PCNX2: variants seen among roughly 807,000 people sequenced by gnomAD.
PCNX2 encodes pecanex-like protein 2.
In PCNX2, 168 loss-of-function variants were observed where a neutral mutation model predicts 223.8. That is an observed-to-expected ratio of 0.75 (90% CI 0.66 to 0.85). PCNX2 has a LOEUF of 0.85. Ranked by LOEUF, PCNX2 falls within the 40% of genes least tolerant of loss-of-function variation. PCNX2 has a pLI of 0.00. For synonymous variants in PCNX2, 1,006 were observed against 1,052.6 expected (o/e 0.96, Z 0.86); for missense variants, 2,507 against 2,675.5 (o/e 0.94, Z 1.39).
At chr1:233,292,864 A>G (rs1420995148) in intron 1 of PCNX2, among the ~76,000 whole-genome samples, 1 of 152,236 alleles carries the variant, frequency 6.6e-6, no homozygotes, top group Non-Finnish European at 1.5e-5. Context: ...CTGTACCCAC[A>G]TACAATTATT....
chr1:233,253,863 G>A lies in PCNX2; in HGVS notation c.1835-1075C>T, dbSNP rs940966487. On this transcript the variant is annotated intron_variant, in intron 5 of 33. Transcript: ENST00000258229. This position sits in a 1 kb window ranked among gnomAD's most constrained non-coding sequence, Gnocchi z 4.2. ...AAAATGGACTGCATATGTCCCTGAG[G>A]ATCAGCCCTTCCTTTTCTGTGGACA... Among the ~76,000 whole-genome samples, 1 of 152,186 alleles carries A rather than the reference G, an allele frequency of 6.6e-6. No individual in the cohort carries two copies. Among genetic ancestry groups the A allele is most frequent in the African/African-American group, 2.4e-5 (1 of 41,448 alleles).
rs1440423379 is a variant in PCNX2, at chr1:232,984,462, A to G, written c.6256T>C (p.Cys2086Arg). The G allele has an allele frequency of 1.9e-6, 3 of 1,613,252 alleles. No individual in the cohort carries two copies. Among genetic ancestry groups the G allele is most frequent in the African/African-American group, 2.7e-5 (2 of 74,960 alleles). ...SQATRHLSEP[C>R]EPPDATEQGQ... Reference sequence around the variant, plus strand: ...TGCTCGGTGGCATCAGGGGGCTCACATGGCTCGGAGAGGTGCTTCCAAAGA... The same window carrying G: ...TGCTCGGTGGCATCAGGGGGCTCACGTGGCTCGGAGAGGTGCTTCCAAAGA... Residue 2086 changes from cysteine to arginine, a missense_variant, in exon 34 of 34, where the codon TGT (cysteine) becomes CGT (arginine). Cys to Arg is a radical substitution (Grantham distance 180, BLOSUM62 -3). This residue lies in a region of PCNX2 where 1,372 missense variants were observed against 1,509.4 expected (regional missense o/e 0.91). Transcript: ENST00000258229.
At position 233,025,325 on chromosome 1, in the gene PCNX2, T is replaced by C. The variant is rs566012905; in HGVS notation, c.4426A>G (p.Lys1476Glu). Reference sequence around the variant, plus strand: ...AGCAGGTGAGGCAAGTGGCCTGGTTTGCAGCAGCAGCAGCCTCTGTCCTCC... The same window carrying C: ...AGCAGGTGAGGCAAGTGGCCTGGTTCGCAGCAGCAGCAGCCTCTGTCCTCC... ...DEEDRGCCCC[K>E]PGHLPHLLSC... Residue 1476 changes from lysine to glutamate, a missense_variant, in exon 26 of 34, where the codon AAA becomes GAA. This residue lies in a region of PCNX2 where 1,372 missense variants were observed against 1,509.4 expected (regional missense o/e 0.91). Coordinates refer to ENST00000258229, the MANE Select transcript of PCNX2 (RefSeq NM_014801.4). The C allele has an allele frequency of 9.2e-5, 149 of 1,614,028 alleles. No homozygotes were observed. The highest frequency in any genetic ancestry group is 8.2e-4 in the Middle Eastern group (5 of 6,062).
chr1:233,216,750 G>A (rs1047862191), intron 12 of PCNX2, among the ~76,000 whole-genome samples: 7 of 151,924 alleles, frequency 4.6e-5, no homozygotes, highest in Non-Finnish European at 7.4e-5. Flanking sequence ...AAAGATATAC[G>A]CATCACCATG....
chr1:233,007,150 T>C (rs1335354555), intron 28 of PCNX2, among the ~76,000 whole-genome samples: 2 of 151,334 alleles, frequency 1.3e-5, no homozygotes, highest in African/African-American at 4.9e-5. Flanking sequence ...AGTTCAAGGA[T>C]GTAGTGCATT....
At chr1:233,267,678 C>T (rs1446158713) in intron 1 of PCNX2, among the ~76,000 whole-genome samples, 1 of 152,192 alleles carries the variant, frequency 6.6e-6, no homozygotes, top group Admixed American at 6.5e-5. Flanking sequence ...CTCATCCACA[C>T]TGTAGCCTGT....
intron 26 of PCNX2, among the ~76,000 whole-genome samples, chr1:233,024,615 T>C (rs1322782582): frequency 6.6e-6 from 1 of 152,192 alleles, no homozygotes; most frequent in African/African-American, 2.4e-5. Context: ...TGAATACAAT[T>C]GGGCAGATGT....
intron 1 of PCNX2, chr1:233,291,509 G>C (rs1661761774): frequency 4.1e-6 from 1 of 240,996 alleles, no homozygotes; most frequent in African/African-American, 2.3e-5. Flanking sequence ...TCGGGAGGCT[G>C]AGGCAGGAGA....
At chr1:233,132,329 G>A (rs760678140) in intron 21 of PCNX2, among the ~76,000 whole-genome samples, 12 of 152,086 alleles carry the variant, frequency 7.9e-5, no homozygotes, top group African/African-American at 2.4e-4. Context: ...TGTCTGCACC[G>A]ACTAGAAGGA....
intron 12 of PCNX2, among the ~76,000 whole-genome samples, chr1:233,215,815 CACA>C (rs1313940188): frequency 2.0e-5 from 3 of 152,180 alleles, no homozygotes; most frequent in East Asian, 1.9e-4. Flanking sequence ...TGACGATAAT[CACA>C]ACAATACATC....
rs115453102 is a variant in PCNX2, at chr1:233,152,614, G to A, written c.3517+7669C>T. On this transcript the variant is annotated intron_variant, in intron 19 of 33. Coordinates refer to ENST00000258229, the MANE Select transcript of PCNX2 (RefSeq NM_014801.4). ...TTATTGAGTTTCACTTAATTACTGCGCAAATTCTGTGAAATAAGGCATTCA... is the reference window on the plus strand; with the variant it reads ...TTATTGAGTTTCACTTAATTACTGCACAAATTCTGTGAAATAAGGCATTCA... Among the ~76,000 whole-genome samples, 780 of 152,108 alleles carry A rather than the reference G, an allele frequency of 5.1e-3. 3 individuals are homozygous for A. The highest frequency in any genetic ancestry group is 8.3e-3 in the South Asian group (40 of 4,810).
chr1:233,165,925 T>C (rs961064778), intron 17 of PCNX2, among the ~76,000 whole-genome samples: 4 of 151,862 alleles, frequency 2.6e-5, no homozygotes, highest in African/African-American at 9.7e-5. Flanking sequence ...CTTTGAAAAA[T>C]AAAAAGTTGG....
intron 9 of PCNX2, among the ~76,000 whole-genome samples, chr1:233,230,233 C>T (rs1324371305): frequency 1.3e-5 from 2 of 151,948 alleles, no homozygotes; most frequent in South Asian, 2.1e-4. Flanking sequence ...AAGTGAGTCA[C>T]GAGAGAGTGT....
intron 28 of PCNX2, among the ~76,000 whole-genome samples, chr1:233,003,823 T>G (rs1224367664): frequency 1.3e-5 from 2 of 152,018 alleles, no homozygotes; most frequent in Admixed American, 1.3e-4. Flanking sequence ...TATGAAGCCA[T>G]AAAAAAGGAT....
At position 233,034,587 on chromosome 1, in the gene PCNX2, T is replaced by G. The variant is rs568794336; in HGVS notation, c.4352-9188A>C. ...TGGCAGTGAATTTTAATATATTCTC[T>G]CTGAGAGGCACAGGATTGTAGCTAA... On this transcript the variant is annotated intron_variant, in intron 25 of 33. Transcript: ENST00000258229. Among the ~76,000 whole-genome samples, 169 of 152,334 alleles carry G rather than the reference T, an allele frequency of 1.1e-3. 1 individual carries two copies. Among genetic ancestry groups the G allele is most frequent in the African/African-American group, 3.9e-3 (162 of 41,572 alleles).
chr1:232,984,230 T>C lies in PCNX2; in HGVS notation c.*74A>G. On this transcript the variant is annotated 3_prime_UTR_variant, in exon 34 of 34. Coordinates refer to ENST00000258229, the MANE Select transcript of PCNX2 (RefSeq NM_014801.4). ...CGCGGTATTGGTTGGTTGTGGTGAT[T>C]TGGGGAGCACGAGGGAGAGCAATGC... 7.1e-7 allele frequency: 1 copy of C among 1,413,524 alleles called. No individual in the cohort carries two copies. Among genetic ancestry groups the C allele is most frequent in the Admixed American group, 2.7e-5 (1 of 36,934 alleles). The allele number at this position is 1,413,524 out of a possible 1,614,324, so 87.6% of individuals were successfully genotyped here.
At chr1:233,290,825 G>A in intron 1 of PCNX2, 1 of 985,416 alleles carries the variant, frequency 1.0e-6, no homozygotes, top group South Asian at 4.7e-5. Flanking sequence ...GAAACAGAAA[G>A]CTCCAGCCAT....
chr1:233,155,311 G>C (rs976701992), intron 19 of PCNX2, among the ~76,000 whole-genome samples: 1 of 152,092 alleles, frequency 6.6e-6, no homozygotes, highest in African/African-American at 2.4e-5. Flanking sequence ...CCACATTACT[G>C]TATGTGTGTA....
intron 4 of PCNX2, among the ~76,000 whole-genome samples, chr1:233,260,807 CAAA>C (rs889194197): frequency 8.8e-6 from 1 of 114,218 alleles, no homozygotes. Flanking sequence ...AGTCAAAAGA[CAAA>C]AAAAAAAAAG....
Sources: gnomAD v4.1 joint callset for allele counts (sites outside exome capture counted in the v4.1 genomes callset) on GRCh38, gnomAD v4.1.1 for gene constraint, gnomAD v4.1.1 regional missense constraint, Gnocchi (gnomAD v3.1) non-coding constraint, MANE v1.5 for transcripts, NCBI Gene and HGNC (gene_info 2026-07-23, HGNC 2026-07-21) for gene names.